PCDHGA1: variants seen among roughly 807,000 people sequenced by gnomAD.
PCDHGA1 encodes the protein protocadherin gamma subfamily A, 1.
A neutral mutation model predicts 58.0 loss-of-function variants in PCDHGA1; 32 were observed. The observed-to-expected ratio is 0.55, with a 90% confidence interval of 0.42 to 0.74. The LOEUF is 0.74. Ranked by LOEUF, PCDHGA1 falls within the 30% of genes least tolerant of loss-of-function variation. PCDHGA1 has a pLI of 0.00. For synonymous variants in PCDHGA1, 498 were observed against 501.1 expected (o/e 0.99, Z 0.08); for missense variants, 1,205 against 1,182.3 (o/e 1.02, Z -0.28).
At chr5:141,454,344 G>A (rs1455147295) in intron 1 of PCDHGA1, among the ~76,000 whole-genome samples, 3 of 152,236 alleles carry the variant, frequency 2.0e-5, no homozygotes, top group Non-Finnish European at 4.4e-5. Flanking sequence ...AATGTTGGAA[G>A]TTGATCCAAA....
chr5:141,482,967 AGCAGCTACTT>A (rs2099575323), intron 1 of PCDHGA1, among the ~76,000 whole-genome samples: 1 of 58,122 alleles, frequency 1.7e-5, no homozygotes, highest in African/African-American at 2.6e-4. Flanking sequence ...CAGCTACTTG[AGCAGCTACTT>A]GAGAGGTCGA....
chr5:141,362,374 A>G, intron 1 of PCDHGA1: 1 of 1,614,036 alleles, frequency 6.2e-7, no homozygotes, highest in Non-Finnish European at 8.5e-7. Flanking sequence ...CAGTGAGGGT[A>G]CATTGCCCTA....
Position 141,331,790 on chromosome 5 carries a change from T to C in PCDHGA1, c.1106T>C (p.Ile369Thr), listed in dbSNP as rs774669744. Residue 369 changes from isoleucine (I) to threonine (T), a missense_variant, in exon 1 of 4, where the codon ATC (isoleucine) becomes ACC (threonine). Transcript: ENST00000517417. Reference sequence around the variant, plus strand: ...CCTCCTGGGACCATAATTGCTCTTATCAGTGTGCATGACCAGGACTCAGGA... The same window carrying C: ...CCTCCTGGGACCATAATTGCTCTTACCAGTGTGCATGACCAGGACTCAGGA... Reference protein sequence around the residue: ...NFPPGTIIALISVHDQDSGDN... With the variant: ...NFPPGTIIALTSVHDQDSGDN... 11 of 1,614,084 alleles carry C rather than the reference T, an allele frequency of 6.8e-6. No individual in the cohort carries two copies. Among genetic ancestry groups the C allele is most frequent in the Admixed American group, 3.3e-5 (2 of 60,012 alleles).
intron 1 of PCDHGA1, chr5:141,441,364 C>T (rs533396852): frequency 6.6e-6 from 1 of 152,646 alleles, no homozygotes; most frequent in South Asian, 2.1e-4. Context: ...CAAATGGGGC[C>T]GTGGACCAGG....
rs904268280 is a variant in PCDHGA1, at chr5:141,334,231, G to A, written c.2421+1126G>A. ...CTCCAGCAATGTAATAGGGACAGAA[G>A]TGCTTCAGACTAGATAAATATCTGG... is the stretch of plus-strand genomic sequence containing the variant. On this transcript the variant is annotated intron_variant, in intron 1 of 3. Coordinates refer to ENST00000517417, the MANE Select transcript of PCDHGA1 (RefSeq NM_018912.3). This position sits in a 1 kb window ranked among gnomAD's most constrained non-coding sequence, Gnocchi z 4.6. 8.5e-5 allele frequency: 13 copies of A among 152,270 alleles called. No homozygotes were observed. Among genetic ancestry groups the A allele is most frequent in the African/African-American group, 2.9e-4 (12 of 41,470 alleles). 9.4% of individuals were successfully genotyped at this position (152,270 alleles called of 1,614,324 possible).
chr5:141,347,669 C>T (rs998116110), intron 1 of PCDHGA1, among the ~76,000 whole-genome samples: 2 of 151,816 alleles, frequency 1.3e-5, no homozygotes, highest in Admixed American at 1.3e-4. Flanking sequence ...CGCCTGTAAT[C>T]CAAGCTACTT....
chr5:141,438,591 C>CATAT (rs946798767), intron 1 of PCDHGA1, among the ~76,000 whole-genome samples: 211 of 75,392 alleles, frequency 2.8e-3, no homozygotes, highest in Non-Finnish European at 4.1e-3. Context: ...TACATACATA[C>CATAT]ATATATATAT....
At chr5:141,335,666 A>G (rs1396506634) in intron 1 of PCDHGA1, among the ~76,000 whole-genome samples, 2 of 152,190 alleles carry the variant, frequency 1.3e-5, no homozygotes, top group African/African-American at 2.4e-5. Context: ...CACAACAAAT[A>G]TGGAATAGTC....
At chr5:141,423,572 G>A (rs1239529114) in intron 1 of PCDHGA1, 1 of 1,613,510 alleles carries the variant, frequency 6.2e-7, no homozygotes, top group Admixed American at 1.7e-5. Flanking sequence ...ACGCTCATCA[G>A]CCAGGAGAGC....
intron 1 of PCDHGA1, chr5:141,384,198 C>T (rs539882096): frequency 6.2e-7 from 1 of 1,613,734 alleles, no homozygotes; most frequent in Non-Finnish European, 8.5e-7. Context: ...CTCCCTTGTC[C>T]AGGGAAACTC....
At chr5:141,457,330 A>G (rs2098916985) in intron 1 of PCDHGA1, among the ~76,000 whole-genome samples, 1 of 152,174 alleles carries the variant, frequency 6.6e-6, no homozygotes, top group Non-Finnish European at 1.5e-5. Flanking sequence ...GGTTACAGGT[A>G]CCTTACTTAC....
intron 1 of PCDHGA1, chr5:141,375,823 C>A (rs1771937674): frequency 6.2e-7 from 1 of 1,614,098 alleles, no homozygotes; most frequent in African/African-American, 1.3e-5. Context: ...TGGCGCCCCG[C>A]TCCGCAGAGC....
Position 141,486,617 on chromosome 5 carries a change from C to G in PCDHGA1, c.2422-8190C>G. ...GCTTTGCTCCCTTGCAGCCTCTGAC[C>G]CAGACTCTGGCTTGAATGCGCTTAT... On this transcript the variant is annotated intron_variant, in intron 1 of 3. Transcript: ENST00000517417. This position sits in a 1 kb window ranked among gnomAD's most constrained non-coding sequence, Gnocchi z 5.0. 1 of 1,613,602 alleles carries G rather than the reference C, an allele frequency of 6.2e-7. No homozygotes were observed. Among genetic ancestry groups the G allele is most frequent in the South Asian group, 1.1e-5 (1 of 91,086 alleles).
At position 141,475,845 on chromosome 5, in the gene PCDHGA1, G is replaced by A. The variant is rs2099375736; in HGVS notation, c.2422-18962G>A. On this transcript the variant is annotated intron_variant, in intron 1 of 3. Coordinates refer to ENST00000517417, the MANE Select transcript of PCDHGA1 (RefSeq NM_018912.3). ...CGCTAGCGCGTGTCCTGCTCAGAGA[G>A]CCCGGCGCTAGCTCATTCTTCGTGC... The A allele has an allele frequency of 2.0e-5, 9 of 447,884 alleles. 1 individual carries two copies. In the South Asian group the frequency reaches 2.8e-4, roughly 14 times the overall value. 27.7% of individuals were successfully genotyped at this position (447,884 alleles called of 1,614,324 possible).
chr5:141,356,115 G>A (rs766964072), intron 1 of PCDHGA1: 1 of 1,613,762 alleles, frequency 6.2e-7, no homozygotes, highest in Admixed American at 1.7e-5. Flanking sequence ...CAATATTGGG[G>A]GGTCTAGATT....
rs753954982 is a variant in PCDHGA1 at position 141,478,158 on chromosome 5, C to A, written c.2422-16649C>A. 9 of 1,613,936 alleles carry A rather than the reference C, an allele frequency of 5.6e-6. No individual in the cohort carries two copies. In the African/African-American group the frequency reaches 1.2e-4, roughly 22 times the overall value. On this transcript the variant is annotated intron_variant, in intron 1 of 3. Transcript: ENST00000517417. ...GCCCGAGCCGAGTTCCCCTCTGGCT[C>A]TGCCCCCCGGGAGCAGAAAAAAAAT...
chr5:141,376,686 T>G (rs543583265), intron 1 of PCDHGA1: 153 of 814,322 alleles, frequency 1.9e-4, no homozygotes, highest in Middle Eastern at 1.5e-3. Flanking sequence ...GTTTTTTTTT[T>G]TTTTTTTTTT....
At chr5:141,479,023 GT>G (rs1436478867) in intron 1 of PCDHGA1, among the ~76,000 whole-genome samples, 1 of 152,056 alleles carries the variant, frequency 6.6e-6, no homozygotes, top group Non-Finnish European at 1.5e-5. Context: ...ATTTTCCTTT[GT>G]TTATACAGAT....
intron 1 of PCDHGA1, chr5:141,424,187 A>C (rs2096804354): frequency 5.3e-6 from 1 of 188,948 alleles, no homozygotes; most frequent in African/African-American, 2.4e-5. Context: ...ACATGCACAC[A>C]CACTTATACA....
Sources: allele counts gnomAD v4.1 joint callset (sites outside exome capture counted in the v4.1 genomes callset), GRCh38; gene constraint gnomAD v4.1.1; non-coding constraint Gnocchi (gnomAD v3.1); transcripts MANE v1.5; gene names NCBI Gene and HGNC (gene_info 2026-07-23, HGNC 2026-07-21).